The following IL1RAPL1 variants were observed in gnomAD, a reference collection of about 807,000 sequenced individuals.
IL1RAPL1 encodes interleukin 1 receptor accessory protein like 1.
In IL1RAPL1, 3 loss-of-function variants were observed where a neutral mutation model predicts 48.4. The ratio of observed to expected loss-of-function variants is 0.06; its 90% CI spans 0.03 to 0.16. The LOEUF (loss-of-function observed/expected upper bound fraction) is 0.16, where lower values mean the gene tolerates loss of function less well. Among genes scored for constraint, IL1RAPL1 ranks in the 10% least tolerant of loss-of-function variants. IL1RAPL1 has a pLI of 1.00. For synonymous variants in IL1RAPL1, 185 were observed against 187.7 expected, an observed-to-expected ratio of 0.99 and a Z score of 0.12; for missense variants, 349 against 530.6, an observed-to-expected ratio of 0.66 and a Z score of 3.36.
intron 6 of IL1RAPL1, among the ~76,000 whole-genome samples, chrX:29,691,465 T>A (rs1203463050): frequency 9.0e-6 from 1 of 111,283 alleles, no homozygotes; most frequent in Non-Finnish European, 1.9e-5. Context: ...CAGGAACCAG[T>A]TGAATTATTT....
intron 5 of IL1RAPL1, among the ~76,000 whole-genome samples, chrX:29,538,051 A>G (rs1208210048): frequency 1.8e-5 from 2 of 111,163 alleles, no homozygotes; most frequent in Non-Finnish European, 3.8e-5. Flanking sequence ...TACTAAAATC[A>G]TATTTTATCT....
intron 2 of IL1RAPL1, among the ~76,000 whole-genome samples, chrX:29,247,947 G>A (rs911878258): frequency 9.0e-6 from 1 of 111,680 alleles, no homozygotes; most frequent in Non-Finnish European, 1.9e-5. Flanking sequence ...TAGACATTTA[G>A]TGGAACACAC....
At chrX:29,928,638 A>G (rs1246768158) in intron 8 of IL1RAPL1, among the ~76,000 whole-genome samples, 2 of 112,158 alleles carry the variant, frequency 1.8e-5, no homozygotes, top group Non-Finnish European at 3.8e-5. Flanking sequence ...GGACTGACTG[A>G]CCGCTGCCAG....
rs1219539851 is a variant in IL1RAPL1 at position 28,792,846 on chromosome X, TATATAA to T, written c.82+3423_82+3428del. ...ATATATATATATATATATATATATATATATAAAAAATAAGGCAATTATATCATTATA... is the reference window on the plus strand; with the variant it reads ...ATATATATATATATATATATATATATAAAATAAGGCAATTATATCATTATA... On this transcript the variant is annotated intron_variant, in intron 2 of 10. Transcript: ENST00000378993. 7.7e-3 allele frequency among the ~76,000 whole-genome samples: 452 copies of T among 58,732 alleles called. 32 individuals are homozygous for T. The highest frequency in any genetic ancestry group is 0.035 in the African/African-American group (373 of 10,784). The allele number at this position is 58,732 out of a possible 115,157, so 51.0% of individuals were successfully genotyped here.
chrX:29,300,405 A>G (rs1331995890), intron 3 of IL1RAPL1, among the ~76,000 whole-genome samples: 3 of 112,406 alleles, frequency 2.7e-5, no homozygotes, highest in African/African-American at 9.7e-5. Flanking sequence ...GATTGAATAT[A>G]AAGGACACAT....
intron 2 of IL1RAPL1, among the ~76,000 whole-genome samples, chrX:28,916,442 T>C: frequency 8.9e-6 from 1 of 112,267 alleles, no homozygotes. Flanking sequence ...CAAGAACTAG[T>C]GTACCCCAAG....
intron 2 of IL1RAPL1, among the ~76,000 whole-genome samples, chrX:28,909,728 T>C (rs1923309363): frequency 9.0e-6 from 1 of 111,726 alleles, no homozygotes; most frequent in Admixed American, 9.5e-5. Context: ...TCCTTAAATA[T>C]TGTGAGGTGT....
chrX:29,779,791 C>T (rs1320221397), intron 6 of IL1RAPL1, among the ~76,000 whole-genome samples: 1 of 111,254 alleles, frequency 9.0e-6, no homozygotes, highest in Non-Finnish European at 1.9e-5. Flanking sequence ...ATTCGCTTCT[C>T]ATGAGTTGCA....
intron 6 of IL1RAPL1, among the ~76,000 whole-genome samples, chrX:29,831,148 G>A (rs915839069): frequency 3.6e-5 from 4 of 111,586 alleles, no homozygotes; most frequent in Non-Finnish European, 5.6e-5. Flanking sequence ...GCAAAACACC[G>A]TTTACCAATT....
chrX:28,664,704 C>T (rs1934855801), intron 1 of IL1RAPL1, among the ~76,000 whole-genome samples: 1 of 111,617 alleles, frequency 9.0e-6, no homozygotes. Context: ...CCTCTTTTCC[C>T]TACATGCTGA....
chrX:29,422,618 A>G (rs1934304060), intron 5 of IL1RAPL1, among the ~76,000 whole-genome samples: 1 of 112,247 alleles, frequency 8.9e-6, no homozygotes, highest in Non-Finnish European at 1.9e-5. Context: ...TGCAATCTAA[A>G]TGATATTTTT....
chrX:29,255,918 T>C lies in IL1RAPL1; in HGVS notation c.83-27020T>C, dbSNP rs372539369. Among the ~76,000 whole-genome samples the C allele has an allele frequency of 3.6e-4, 40 of 111,675 alleles. No homozygotes were observed. The East Asian group carries it at 7.3e-3, about 20-fold the overall frequency. On this transcript the variant is annotated intron_variant, in intron 2 of 10. Transcript: ENST00000378993. ...ATCACGAACAGTGCTGCAATAAACA[T>C]ATGAGTGCAGGTGTATTTTTGCTAG...
chrX:29,626,266 A>G (rs1924613299), intron 5 of IL1RAPL1, among the ~76,000 whole-genome samples: 1 of 112,007 alleles, frequency 8.9e-6, no homozygotes, highest in Admixed American at 9.5e-5. Context: ...CCCAAATAAG[A>G]GATGATTGGA....
At chrX:28,862,790 A>T (rs1921977817) in intron 2 of IL1RAPL1, among the ~76,000 whole-genome samples, 1 of 112,481 alleles carries the variant, frequency 8.9e-6, no homozygotes, top group Admixed American at 9.5e-5. Context: ...GATATTTAAT[A>T]TTTAGAAACA....
intron 2 of IL1RAPL1, among the ~76,000 whole-genome samples, chrX:28,828,892 A>G (rs1920989986): frequency 1.8e-5 from 2 of 111,677 alleles, no homozygotes; most frequent in African/African-American, 6.5e-5. Context: ...AGCGATGCTG[A>G]GATGTTGAAA....
At chrX:29,667,056 T>A (rs757607974) in intron 5 of IL1RAPL1, among the ~76,000 whole-genome samples, 20 of 111,955 alleles carry the variant, frequency 1.8e-4, no homozygotes, top group Non-Finnish European at 1.5e-4. Flanking sequence ...TTAATCAGAG[T>A]GATATCATAT....
chrX:29,457,999 C>A (rs1302188637), intron 5 of IL1RAPL1, among the ~76,000 whole-genome samples: 1 of 111,854 alleles, frequency 8.9e-6, no homozygotes, highest in Non-Finnish European at 1.9e-5. Context: ...CCTTTGATCT[C>A]GAACTCCTAA....
intron 6 of IL1RAPL1, among the ~76,000 whole-genome samples, chrX:29,696,709 T>G (rs1364313082): frequency 1.8e-5 from 2 of 111,622 alleles, no homozygotes; most frequent in African/African-American, 3.3e-5. Flanking sequence ...GAAAAGTTTT[T>G]GGGGAACATT....
At chrX:29,874,856 C>T (rs1251473561) in intron 6 of IL1RAPL1, among the ~76,000 whole-genome samples, 1 of 112,016 alleles carries the variant, frequency 8.9e-6, no homozygotes, top group African/African-American at 3.2e-5. Context: ...CAAATTTCCA[C>T]CAAAAAAAAT....
Sources: gnomAD v4.1 joint callset for allele counts (sites outside exome capture counted in the v4.1 genomes callset) on GRCh38, gnomAD v4.1.1 for gene constraint, MANE v1.5 for transcripts, NCBI Gene and HGNC (gene_info 2026-07-23, HGNC 2026-07-21) for gene names.